The following PDZRN4 variants were observed in gnomAD, a reference collection of about 807,000 sequenced individuals.
PDZRN4 encodes PDZ domain containing ring finger 4, also known as PDZ domain-containing RING finger protein 4.
PDZRN4 carries 70 observed loss-of-function variants against 99.0 expected under a neutral mutation model. The observed-to-expected ratio is 0.71, with a 90% CI of 0.58 to 0.86. The LOEUF (loss-of-function observed/expected upper bound fraction) is 0.86. Among genes scored for constraint, PDZRN4 ranks in the 40% least tolerant of loss-of-function variants. PDZRN4 has a pLI of 0.00. For synonymous variants in PDZRN4, 551 were observed against 501.6 expected (o/e 1.10, Z -1.32); for missense variants, 1,474 against 1,331.2 (o/e 1.11, Z -1.67).
At chr12:41,388,745 T>G (rs1952189964) in intron 3 of PDZRN4, among the ~76,000 whole-genome samples, 1 of 152,040 alleles carries the variant, frequency 6.6e-6, no homozygotes, top group Non-Finnish European at 1.5e-5. Flanking sequence ...AAGTCAAGAG[T>G]GTCTATAAAG....
chr12:41,215,967 A>G (rs749276279), intron 3 of PDZRN4, among the ~76,000 whole-genome samples: 1 of 151,978 alleles, frequency 6.6e-6, no homozygotes, highest in African/African-American at 2.4e-5. Context: ...AGTGTTCTAC[A>G]AATGTAATGT....
intron 3 of PDZRN4, among the ~76,000 whole-genome samples, chr12:41,477,088 C>G (rs1050451071): frequency 2.0e-5 from 3 of 152,070 alleles, no homozygotes; most frequent in Non-Finnish European, 2.9e-5. Flanking sequence ...CCTAATTACA[C>G]CTAACTCTCA....
chr12:41,220,109 T>G (rs1221999532), intron 3 of PDZRN4, among the ~76,000 whole-genome samples: 1 of 152,120 alleles, frequency 6.6e-6, no homozygotes, highest in Non-Finnish European at 1.5e-5. Flanking sequence ...CCCACCTGCC[T>G]CTGTAAAGTC....
chr12:41,545,552 T>TGTGA (rs1439524490), intron 5 of PDZRN4, among the ~76,000 whole-genome samples: 24 of 140,608 alleles, frequency 1.7e-4, no homozygotes, highest in African/African-American at 5.3e-4. Context: ...TGTGTGTGTG[T>TGTGA]GACAATGAGA....
At chr12:41,426,999 C>T (rs1282708803) in intron 3 of PDZRN4, among the ~76,000 whole-genome samples, 1 of 152,154 alleles carries the variant, frequency 6.6e-6, no homozygotes, top group East Asian at 1.9e-4. Flanking sequence ...TAGTTAAGTG[C>T]TATGGATCTA....
intron 3 of PDZRN4, among the ~76,000 whole-genome samples, chr12:41,194,993 A>G (rs1045778050): frequency 1.3e-5 from 2 of 152,288 alleles, no homozygotes; most frequent in East Asian, 1.9e-4. Context: ...TATCTTTTAT[A>G]TGAAAGAAAA....
At chr12:41,422,590 GGAGA>G (rs147286769) in intron 3 of PDZRN4, among the ~76,000 whole-genome samples, 1 of 151,930 alleles carries the variant, frequency 6.6e-6, no homozygotes, top group Non-Finnish European at 1.5e-5. Flanking sequence ...CATGGTGACA[GGAGA>G]GAGAGAGAGT....
rs117991954 is a variant in PDZRN4, at chr12:41,573,911, C to T, written c.*21C>T. On this transcript the variant is annotated 3_prime_UTR_variant, in exon 10 of 10. Transcript: ENST00000402685. ...TATGACCGAATGAATGGAATGCATGCGACTGATTTTAGGAGGATGCTACCA... is the reference window on the plus strand; with the variant it reads ...TATGACCGAATGAATGGAATGCATGTGACTGATTTTAGGAGGATGCTACCA... 91 of 1,490,356 alleles carry T rather than the reference C, an allele frequency of 6.1e-5. No individual in the cohort carries two copies. In the South Asian group the frequency reaches 1.0e-3, roughly 17 times the overall value. The allele number at this position is 1,490,356 out of a possible 1,614,324, so 92.3% of individuals were successfully genotyped here. A position where few individuals can be genotyped will look rare whatever the true frequency, so the allele number is the denominator to read the frequency against.
intron 3 of PDZRN4, among the ~76,000 whole-genome samples, chr12:41,350,766 G>T (rs1951884258): frequency 6.6e-6 from 1 of 152,086 alleles, no homozygotes; most frequent in Non-Finnish European, 1.5e-5. Context: ...TATCCCCCCA[G>T]TTATGTTGGA....
In PDZRN4 at chr12:41,489,104, T is replaced by A. The variant is rs75920164; in HGVS notation, c.844-17352T>A. Among the ~76,000 whole-genome samples, 135 of 152,260 alleles carry A rather than the reference T, an allele frequency of 8.9e-4. 2 individuals carry two copies. The East Asian group carries it at 0.021, about 23-fold the overall frequency. On this transcript the variant is annotated intron_variant, in intron 3 of 9. Transcript: ENST00000402685. ...GGTTATTTTTTGAGATTTTTTTAGC[T>A]CATCAGCTATTGTTAGTGGTAGTGT...
At chr12:41,369,081 TTATTTTTATGTG>T (rs1181976755) in intron 3 of PDZRN4, among the ~76,000 whole-genome samples, 1 of 152,120 alleles carries the variant, frequency 6.6e-6, no homozygotes. Flanking sequence ...ATAAAGATAA[TTATTTTTATGTG>T]TCAAACTCAA....
chr12:41,567,176 A>T (rs748077238), intron 8 of PDZRN4, among the ~76,000 whole-genome samples: 1 of 152,208 alleles, frequency 6.6e-6, no homozygotes, highest in Non-Finnish European at 1.5e-5. Flanking sequence ...TAAAATAGAC[A>T]TGGAGTAATA....
At chr12:41,196,042 C>T (rs1591963269) in intron 3 of PDZRN4, among the ~76,000 whole-genome samples, 2 of 151,590 alleles carry the variant, frequency 1.3e-5, no homozygotes, top group South Asian at 4.2e-4. Context: ...ATTAATGTTA[C>T]ATTAGAAAAG....
At chr12:41,463,727 T>C (rs1299660991) in intron 3 of PDZRN4, among the ~76,000 whole-genome samples, 2 of 152,102 alleles carry the variant, frequency 1.3e-5, no homozygotes, top group Non-Finnish European at 2.9e-5. Context: ...AAAACAGAAA[T>C]TGTAGGTTAC....
chr12:41,514,678 A>T (rs1809396943), intron 5 of PDZRN4, among the ~76,000 whole-genome samples: 1 of 152,080 alleles, frequency 6.6e-6, no homozygotes, highest in East Asian at 1.9e-4. Context: ...TGGTGTCTGC[A>T]TGGACCAACT....
At chr12:41,503,905 A>G (rs572402375) in intron 3 of PDZRN4, among the ~76,000 whole-genome samples, 1 of 152,286 alleles carries the variant, frequency 6.6e-6, no homozygotes, top group African/African-American at 2.4e-5. Flanking sequence ...CTCTACCACT[A>G]TTAGGGATTC....
chr12:41,506,072 A>G (rs1938199933), intron 3 of PDZRN4, among the ~76,000 whole-genome samples: 1 of 152,182 alleles, frequency 6.6e-6, no homozygotes, highest in Non-Finnish European at 1.5e-5. Flanking sequence ...ACCTTGATTA[A>G]ATATTGAAAA....
intron 3 of PDZRN4, among the ~76,000 whole-genome samples, chr12:41,223,161 T>C (rs1193702510): frequency 6.6e-6 from 1 of 152,154 alleles, no homozygotes; most frequent in Non-Finnish European, 1.5e-5. Flanking sequence ...CTTCTTAGAC[T>C]CTATGAGAAG....
chr12:41,383,311 A>C (rs753774623), intron 3 of PDZRN4, among the ~76,000 whole-genome samples: 19 of 152,220 alleles, frequency 1.2e-4, no homozygotes, highest in Non-Finnish European at 2.1e-4. Flanking sequence ...TGTTCTGTGG[A>C]GGCACTCTGA....
Sources: gnomAD v4.1 joint callset for allele counts (sites outside exome capture counted in the v4.1 genomes callset) on GRCh38, gnomAD v4.1.1 for gene constraint, MANE v1.5 for transcripts, NCBI Gene and HGNC (gene_info 2026-07-23, HGNC 2026-07-21) for gene names.